WDR3: variants seen among roughly 807,000 people sequenced by gnomAD.
The protein encoded by WDR3 is WD repeat domain 3.
WDR3 carries 81 observed loss-of-function variants against 123.7 expected under a neutral mutation model. The observed-to-expected ratio is 0.65, with a 90% CI of 0.55 to 0.79. The LOEUF (loss-of-function observed/expected upper bound fraction) is 0.79, where lower values mean the gene tolerates loss of function less well. Ranked by LOEUF, WDR3 falls within the 30% of genes least tolerant of loss-of-function variation. The probability of loss-of-function intolerance (pLI) is 0.00; values close to 1 mark genes in which losing one functional copy is unlikely to be tolerated. For synonymous variants in WDR3, 390 were observed against 388.8 expected (o/e 1.00, Z -0.04); for missense variants, 1,027 against 1,123.2 (o/e 0.91, Z 1.22).
rs542348819 is a variant in WDR3 at position 117,961,721 on chromosome 1, T to C, written c.*2274T>C. ...CTTGAGCATAACACAATCACTGAAGTGAGTAAGGGATGCAGTGGTGTTATT... is the reference window on the plus strand; with the variant it reads ...CTTGAGCATAACACAATCACTGAAGCGAGTAAGGGATGCAGTGGTGTTATT... On this transcript the variant is annotated 3_prime_UTR_variant, in exon 27 of 27. Coordinates refer to ENST00000349139, the MANE Select transcript of WDR3 (RefSeq NM_006784.3). The C allele has an allele frequency of 2.6e-5, 4 of 152,058 alleles. No homozygotes were observed. The highest frequency in any genetic ancestry group is 9.6e-5 in the African/African-American group (4 of 41,454). 9.4% of individuals were successfully genotyped at this position (152,058 alleles called of 1,614,324 possible).
intron 3 of WDR3, among the ~76,000 whole-genome samples, chr1:117,935,147 A>T (rs1297785492): frequency 6.6e-6 from 1 of 152,234 alleles, no homozygotes. Context: ...AATGGAATAG[A>T]AGACTTTTAT....
chr1:117,948,364 C>T (rs74114919), intron 12 of WDR3, 41 bp from the exon 13 acceptor site: 5 of 1,554,760 alleles, frequency 3.2e-6, no homozygotes, highest in South Asian at 1.1e-5. Flanking sequence ...GGAGGTTGTA[C>T]GTATGTTCAT....
chr1:117,952,971 G>A lies in WDR3; in HGVS notation c.2177G>A (p.Ser726Asn). 1 of 1,613,216 alleles carries A rather than the reference G, an allele frequency of 6.2e-7. No individual in the cohort carries two copies. Among genetic ancestry groups the A allele is most frequent in the East Asian group, 2.2e-5 (1 of 44,856 alleles). The change falls in exon 20 of 27, where the codon AGT becomes AAT. Residue 726 changes from serine to asparagine, a missense_variant. Ser to Asn is a conservative substitution (Grantham distance 46). Coordinates refer to ENST00000349139, the MANE Select transcript of WDR3 (RefSeq NM_006784.3). ...EMEREAEYEE[S>N]VAKEDQPAVP... Reference sequence around the variant, plus strand: ...GAAAGAGAAGCAGAATATGAGGAGAGTGTGGCCAAAGAAGACCAACCAGCA... The same window carrying A: ...GAAAGAGAAGCAGAATATGAGGAGAATGTGGCCAAAGAAGACCAACCAGCA...
intron 18 of WDR3, 31 bp from the exon 19 acceptor site, chr1:117,952,497 A>G (rs748171537): frequency 1.8e-5 from 28 of 1,598,522 alleles, no homozygotes; most frequent in African/African-American, 2.7e-5. Context: ...TCAATGAATG[A>G]GGTATTCTTT....
intron 11 of WDR3, among the ~76,000 whole-genome samples, chr1:117,945,686 A>C (rs574051592): frequency 1.3e-5 from 2 of 152,318 alleles, no homozygotes; most frequent in East Asian, 3.9e-4. Context: ...ATGTTTGTTA[A>C]GTGGACATTT....
chr1:117,960,586 C>G lies in WDR3; in HGVS notation c.*1139C>G, dbSNP rs1422749893. On this transcript the variant is annotated 3_prime_UTR_variant, in exon 27 of 27. Transcript: ENST00000349139. ...TGGGAGCACTGTGATATGCAGTTTA[C>G]TGGGGCGATGAGTTGTTCATGCACA... The G allele has an allele frequency of 2.0e-5, 3 of 152,158 alleles. No homozygotes were observed. Among genetic ancestry groups the G allele is most frequent in the Non-Finnish European group, 4.4e-5 (3 of 68,058 alleles). 9.4% of individuals were successfully genotyped at this position (152,158 alleles called of 1,614,324 possible). A position where few individuals can be genotyped will look rare whatever the true frequency, so the allele number is the denominator to read the frequency against.
rs1652749383 is a variant in WDR3, at chr1:117,959,540, C to A, written c.*93C>A. The A allele has an allele frequency of 3.1e-6, 4 of 1,309,086 alleles. No homozygotes were observed. Among genetic ancestry groups the A allele is most frequent in the Non-Finnish European group, 4.1e-6 (4 of 985,786 alleles). 81.1% of individuals were successfully genotyped at this position (1,309,086 alleles called of 1,614,324 possible). A position where few individuals can be genotyped will look rare whatever the true frequency, so the allele number is the denominator to read the frequency against. On this transcript the variant is annotated 3_prime_UTR_variant, in exon 27 of 27. Transcript: ENST00000349139. ...AGAGTTGGCGTCATCTTAAAAATAC[C>A]AAATAACAGAAGATCGCATTGCAGA...
chr1:117,957,297 C>G, intron 25 of WDR3, 101 bp downstream of exon 25: 1 of 1,394,604 alleles, frequency 7.2e-7, no homozygotes, highest in Non-Finnish European at 9.5e-7. Context: ...AAATAGTATG[C>G]CGAACTCGGT....
intron 22 of WDR3, 31 bp downstream of exon 22, chr1:117,954,130 CAAT>C: frequency 2.6e-6 from 4 of 1,556,174 alleles, no homozygotes; most frequent in Non-Finnish European, 2.6e-6. Flanking sequence ...GTTACAGTAT[CAAT>C]AAAGGGAATT....
In WDR3 at chr1:117,965,098, A is replaced by G. The variant is rs1423085840; in HGVS notation, c.*5651A>G. On this transcript the variant is annotated 3_prime_UTR_variant, in exon 27 of 27. Coordinates refer to ENST00000349139, the MANE Select transcript of WDR3 (RefSeq NM_006784.3). ...CTCTTTCCTTTAATAAATTTTCTTG[A>G]AAGAATATCCATAACTAATGTTTCT... The G allele has an allele frequency of 2.0e-5, 3 of 152,204 alleles. No homozygotes were observed. The highest frequency in any genetic ancestry group is 4.4e-5 in the Non-Finnish European group (3 of 68,032). 9.4% of individuals were successfully genotyped at this position (152,204 alleles called of 1,614,324 possible). A position where few individuals can be genotyped will look rare whatever the true frequency, so the allele number is the denominator to read the frequency against.
chr1:117,930,492 T>TA (rs1261260679), intron 1 of WDR3, among the ~76,000 whole-genome samples: 1 of 152,148 alleles, frequency 6.6e-6, no homozygotes, highest in African/African-American at 2.4e-5. Context: ...ATTCGAGAAA[T>TA]ACGGGGGTTA....
At chr1:117,941,653 G>A in intron 8 of WDR3, 97 bp from the exon 9 acceptor site, 18 of 1,444,394 alleles carry the variant, frequency 1.2e-5, no homozygotes, top group Non-Finnish European at 1.6e-5. Flanking sequence ...CAACTACTAA[G>A]GGAAGAAAAA....
Position 117,940,875 on chromosome 1 carries a change from C to A in WDR3, c.724C>A (p.Pro242Thr). The A allele has an allele frequency of 6.2e-7, 1 of 1,613,974 alleles. No homozygotes were observed. Among genetic ancestry groups the A allele is most frequent in the Non-Finnish European group, 8.5e-7 (1 of 1,179,974 alleles). ...PDPKKIKGSS[P>T]GIQDTLEAED... is the part of the protein sequence containing the mutation. ...CCCCAAGAAAATCAAAGGATCTTCT[C>A]CTGGAATACAAGATACTCTTGAGGC... Residue 242 changes from proline to threonine, a missense_variant, in exon 7 of 27, where the codon CCT becomes ACT. Coordinates refer to ENST00000349139, the MANE Select transcript of WDR3 (RefSeq NM_006784.3).
Position 117,940,933 on chromosome 1 carries a change from CTGAGGATGTAAT to C in WDR3, c.784_789+6del. The C allele has an allele frequency of 6.2e-7, 1 of 1,608,568 alleles. No individual in the cohort carries two copies. On this transcript the variant is annotated splice_donor_variant and splice_donor_5th_base_variant and coding_sequence_variant and intron_variant, in exon 7 of 27. Coordinates refer to ENST00000349139, the MANE Select transcript of WDR3 (RefSeq NM_006784.3). LOFTEE classifies it high-confidence loss of function. ...GGTGCCTTTGAGACGGATGAAGCCC[CTGAGGATGTAAT>C]TCATTTTCATTTCTTAAGTTTAATT...
In WDR3 at chr1:117,942,555, ATAAAT is replaced by A; in HGVS notation, c.1097+14_1097+18del. ...TTCTGCCAAAATCAAGTGAGTAAAAATAAATTATCTGAAGTTATAGAAATAGTAAG... is the reference window on the plus strand; with the variant it reads ...TTCTGCCAAAATCAAGTGAGTAAAAATATCTGAAGTTATAGAAATAGTAAG... On this transcript the variant is annotated intron_variant, in intron 10 of 26. Coordinates refer to ENST00000349139, the MANE Select transcript of WDR3 (RefSeq NM_006784.3). The A allele has an allele frequency of 3.1e-6, 5 of 1,605,728 alleles. No individual in the cohort carries two copies. The highest frequency in any genetic ancestry group is 4.3e-6 in the Non-Finnish European group (5 of 1,173,134).
chr1:117,933,902 A>G lies in WDR3; in HGVS notation c.171+412A>G, dbSNP rs904191523. ...CTTTTTCTAATATGGATAATGCCCA[A>G]GTGTTGTTAAAGTAGACTTTGATAC... On this transcript the variant is annotated intron_variant, in intron 2 of 26. Transcript: ENST00000349139. Among the ~76,000 whole-genome samples, 5 of 152,302 alleles carry G rather than the reference A, an allele frequency of 3.3e-5. No homozygotes were observed. The South Asian group carries it at 1.0e-3, about 32-fold the overall frequency.
intron 25 of WDR3, among the ~76,000 whole-genome samples, chr1:117,957,608 C>T (rs932552712): frequency 5.9e-5 from 9 of 152,136 alleles, no homozygotes; most frequent in African/African-American, 2.2e-4. Context: ...GCCTGTGGCC[C>T]GCAGGCCACA....
intron 12 of WDR3, 61 bp downstream of exon 12, chr1:117,946,240 GA>G: frequency 7.3e-7 from 1 of 1,371,822 alleles, no homozygotes; most frequent in Non-Finnish European, 1.0e-6. Context: ...ATAAAGTTAA[GA>G]AATCTGGTTC....
intron 25 of WDR3, 143 bp from the exon 26 acceptor site, chr1:117,958,767 C>CTTT (rs3215666): frequency 2.9e-4 from 105 of 360,960 alleles, no homozygotes; most frequent in South Asian, 8.0e-4. Flanking sequence ...ACTTCTTTGG[C>CTTT]TTTTTTTTTT....
Sources: gnomAD v4.1 joint callset for allele counts (sites outside exome capture counted in the v4.1 genomes callset) on GRCh38, gnomAD v4.1.1 for gene constraint, MANE v1.5 for transcripts, NCBI Gene and HGNC (gene_info 2026-07-23, HGNC 2026-07-21) for gene names.